Variants in PPFIBP2 observed in about 807,000 individuals in gnomAD.
PPFIBP2 encodes the protein PPFIB scaffold protein 2.
Under a neutral mutation model 118.3 loss-of-function variants are expected in PPFIBP2, and 118 were observed. The observed-to-expected ratio is 1.00, with a 90% CI of 0.86 to 1.16. PPFIBP2 has a LOEUF of 1.16. PPFIBP2 is among the 50% of genes most tolerant of loss of function. The pLI, the probability that PPFIBP2 is intolerant of heterozygous loss-of-function variation, is 0.00. For synonymous variants in PPFIBP2, 414 were observed against 397.4 expected (o/e 1.04, Z -0.50); for missense variants, 1,195 against 1,073.1 (o/e 1.11, Z -1.59).
At chr11:7,622,256 G>A (rs530081758) in intron 7 of PPFIBP2, among the ~76,000 whole-genome samples, 10 of 152,288 alleles carry the variant, frequency 6.6e-5, no homozygotes, top group South Asian at 6.2e-4. Flanking sequence ...ACCAGATCTC[G>A]TGAGAACTCA....
chr11:7,634,517 A>G lies in PPFIBP2; in HGVS notation c.1159A>G (p.Ser387Gly). ...CAGGGCTCAGAAAAAGCTCTCTTGT[A>G]GTCTAGAAGACTTGAGAAGTGAATC... ...ETRAQKKLSC[S>G]LEDLRSESVD... The change falls in exon 13 of 24, where the codon AGT becomes GGT. Residue 387 changes from serine (S) to glycine (G), a missense_variant. Coordinates refer to ENST00000299492, the MANE Select transcript of PPFIBP2 (RefSeq NM_003621.5). 6.2e-6 allele frequency: 10 copies of G among 1,613,246 alleles called. No homozygotes were observed. The highest frequency in any genetic ancestry group is 8.5e-6 in the Non-Finnish European group (10 of 1,179,254).
intron 14 of PPFIBP2, among the ~76,000 whole-genome samples, chr11:7,637,394 G>A (rs750870318): frequency 6.6e-6 from 1 of 152,102 alleles, no homozygotes; most frequent in Non-Finnish European, 1.5e-5. Context: ...TCCACTGTCC[G>A]CTGTGTGCTA....
chr11:7,665,599 G>C, the PPFIBP2 span: 7 of 1,534,874 alleles, frequency 4.6e-6, 1 homozygote, highest in South Asian at 7.8e-5. Flanking sequence ...TGGAGTTCCT[G>C]ATCCCAGGCC....
chr11:7,649,564 A>G lies in PPFIBP2; in HGVS notation c.2031A>G (p.Gln677=), dbSNP rs745846078. The change falls in exon 21 of 24, where the codon CAA becomes CAG. Residue 677 remains glutamine (Q), a synonymous_variant. Coordinates refer to ENST00000299492, the MANE Select transcript of PPFIBP2 (RefSeq NM_003621.5). ...TACTCTTCTTAAAAGTCACCAGCCA[A>G]CTACATCATCTCAGCATCAAATGTG... is the stretch of plus-strand genomic sequence containing the variant. ...NDLLFLKVTS[Q]LHHLSIKCAI... 5.0e-6 allele frequency: 8 copies of G among 1,614,090 alleles called. No individual in the cohort carries two copies. Among genetic ancestry groups the G allele is most frequent in the Admixed American group, 3.3e-5 (2 of 60,004 alleles).
chr11:7,533,049 G>A (rs1353218862), intron 1 of PPFIBP2, among the ~76,000 whole-genome samples: 1 of 144,044 alleles, frequency 6.9e-6, no homozygotes, highest in African/African-American at 2.6e-5. Flanking sequence ...TTTTGTTGTT[G>A]TTGCTTAGCA....
intron 2 of PPFIBP2, among the ~76,000 whole-genome samples, chr11:7,557,517 A>T (rs1177964492): frequency 7.4e-6 from 1 of 135,068 alleles, no homozygotes; most frequent in South Asian, 2.3e-4. Context: ...TTTGAGACAG[A>T]GTCTTGCTCT....
At chr11:7,539,795 G>A (rs144223047) in intron 1 of PPFIBP2, among the ~76,000 whole-genome samples, 14 of 152,228 alleles carry the variant, frequency 9.2e-5, no homozygotes, top group Admixed American at 2.0e-4. Context: ...CAGGTAGAAC[G>A]AAGGACTTCA....
chr11:7,602,464 G>A (rs950625320), intron 5 of PPFIBP2, among the ~76,000 whole-genome samples: 2 of 152,140 alleles, frequency 1.3e-5, no homozygotes, highest in Non-Finnish European at 2.9e-5. Flanking sequence ...GGGTCTAGTA[G>A]GTTCCTGCAC....
At chr11:7,570,334 T>C (rs1054554156) in intron 3 of PPFIBP2, among the ~76,000 whole-genome samples, 5 of 152,212 alleles carry the variant, frequency 3.3e-5, no homozygotes, top group Admixed American at 3.3e-4. Flanking sequence ...GCCCAGAAGA[T>C]ACCAGAGCCA....
chr11:7,514,740 G>A (rs1349307499), intron 1 of PPFIBP2, among the ~76,000 whole-genome samples: 1 of 152,198 alleles, frequency 6.6e-6, no homozygotes, highest in East Asian at 1.9e-4. Flanking sequence ...TTCCAGACCC[G>A]CAGTTTTTCC....
downstream of PPFIBP2, among the ~76,000 whole-genome samples, chr11:7,661,130 T>C (rs1854882432): frequency 6.6e-6 from 1 of 151,850 alleles, no homozygotes; most frequent in Non-Finnish European, 1.5e-5. Context: ...TGAAGGGTTT[T>C]TTGTGTCTCT....
rs527434721 is a variant in PPFIBP2, at chr11:7,600,676, C to T, written c.486+3003C>T. On this transcript the variant is annotated intron_variant, in intron 5 of 23. Coordinates refer to ENST00000299492, the MANE Select transcript of PPFIBP2 (RefSeq NM_003621.5). ...GTCTCAGTGTGCGCCCTTCTAACTG[C>T]CTGTAGATAAGGTGCTTCCTCGGGG... Among the ~76,000 whole-genome samples, 4 of 152,326 alleles carry T rather than the reference C, an allele frequency of 2.6e-5. No individual in the cohort carries two copies. The South Asian group carries it at 8.3e-4, about 32-fold the overall frequency.
rs1554958826 is a variant in PPFIBP2, at chr11:7,577,334, T to TGTGTGTGC, written c.279+11574_279+11575insCGTGTGTG. On this transcript the variant is annotated intron_variant, in intron 3 of 23. Transcript: ENST00000299492. ...GCATGTATGTGCGTGTGTGTGTGTG[T>TGTGTGTGC]GTGTGTGTGTGTGTGTGTTTGTTGG... The TGTGTGTGC allele has an allele frequency of 2.3e-3, 611 of 271,280 alleles. 3 individuals are homozygous for TGTGTGTGC. Among genetic ancestry groups the TGTGTGTGC allele is most frequent in the South Asian group, 3.7e-3 (106 of 28,744 alleles). 16.8% of individuals were successfully genotyped at this position (271,280 alleles called of 1,614,324 possible).
intron 7 of PPFIBP2, among the ~76,000 whole-genome samples, chr11:7,622,744 C>T (rs937416707): frequency 6.6e-6 from 1 of 152,184 alleles, no homozygotes; most frequent in African/African-American, 2.4e-5. Flanking sequence ...GCTTCACAGG[C>T]ACCAGCTCTA....
Position 7,653,311 on chromosome 11 carries a change from A to G in PPFIBP2, c.*93A>G. 6.4e-7 allele frequency: 1 copy of G among 1,559,664 alleles called. No individual in the cohort carries two copies. Among genetic ancestry groups the G allele is most frequent in the Non-Finnish European group, 8.6e-7 (1 of 1,156,134 alleles). On this transcript the variant is annotated 3_prime_UTR_variant, in exon 24 of 24. Coordinates refer to ENST00000299492, the MANE Select transcript of PPFIBP2 (RefSeq NM_003621.5). The stretch of plus-strand genomic sequence containing the variant: ...CTGCACCTCACCCCCGCACGTGTGC[A>G]TGACTCGCAGAGAATATTCCAGCAA...
At position 7,651,692 on chromosome 11, in the gene PPFIBP2, A is replaced by T; in HGVS notation, c.2284A>T (p.Met762Leu). The stretch of plus-strand genomic sequence containing the variant: ...ACGCTTCACTGGGGACACCCTGGCT[A>T]TGCTTCTCAACATCCCCCCACAAAA... ...EPRFTGDTLA[M>L]LLNIPPQKTL... The change falls in exon 23 of 24, where the codon ATG (methionine) becomes TTG (leucine). Residue 762 changes from methionine to leucine, a missense_variant. Physicochemically the swap from Met to Leu is conservative, Grantham distance 15. Coordinates refer to ENST00000299492, the MANE Select transcript of PPFIBP2 (RefSeq NM_003621.5). 6 of 1,613,274 alleles carry T rather than the reference A, an allele frequency of 3.7e-6. 1 individual carries two copies. Among genetic ancestry groups the T allele is most frequent in the Middle Eastern group, 3.3e-4 (2 of 6,058 alleles).
At chr11:7,633,084 G>A (rs1407423826) in intron 12 of PPFIBP2, 150 bp downstream of exon 12, 1 of 679,374 alleles carries the variant, frequency 1.5e-6, no homozygotes, top group African/African-American at 1.8e-5. Context: ...TTACAAACCA[G>A]GCCTACCTCT....
At chr11:7,523,900 G>T (rs1428920769) in intron 1 of PPFIBP2, among the ~76,000 whole-genome samples, 1 of 152,174 alleles carries the variant, frequency 6.6e-6, no homozygotes, top group Non-Finnish European at 1.5e-5. Flanking sequence ...GCCCTCCAGG[G>T]TAAAGTTACA....
At chr11:7,583,235 T>C (rs1857539042) in intron 3 of PPFIBP2, among the ~76,000 whole-genome samples, 1 of 152,194 alleles carries the variant, frequency 6.6e-6, no homozygotes, top group African/African-American at 2.4e-5. Context: ...TTCATTTCCA[T>C]TTGGAAATCT....
Sources: allele counts gnomAD v4.1 joint callset (sites outside exome capture counted in the v4.1 genomes callset), GRCh38; gene constraint gnomAD v4.1.1; transcripts MANE v1.5; gene names NCBI Gene and HGNC (gene_info 2026-07-23, HGNC 2026-07-21).